The following CIBAR1 variants were observed in gnomAD, a reference collection of about 807,000 sequenced individuals.
CIBAR1 encodes the protein CBY1-interacting BAR domain-containing protein 1.
A neutral mutation model predicts 44.0 loss-of-function variants in CIBAR1; 25 were observed. The observed-to-expected ratio is 0.57, with a 90% CI of 0.41 to 0.79. CIBAR1 has a LOEUF of 0.79. Ranked by LOEUF, CIBAR1 falls within the 30% of genes least tolerant of loss-of-function variation. The probability of loss-of-function intolerance (pLI) is 0.00; values close to 1 mark genes in which losing one functional copy is unlikely to be tolerated. For missense variants in CIBAR1, 278 were observed against 344.8 expected, an observed-to-expected ratio of 0.81 and a Z score of 1.53; for synonymous variants, 115 against 119.0, an observed-to-expected ratio of 0.97 and a Z score of 0.22.
At chr8:93,714,469 C>T (rs1810961351) in intron 6 of CIBAR1, among the ~76,000 whole-genome samples, 1 of 152,142 alleles carries the variant, frequency 6.6e-6, no homozygotes, top group Non-Finnish European at 1.5e-5. Flanking sequence ...CACTAGATAT[C>T]AATACCAGAG....
intron 3 of CIBAR1, among the ~76,000 whole-genome samples, chr8:93,704,649 A>AAC (rs1810506162): frequency 6.6e-6 from 1 of 152,214 alleles, no homozygotes; most frequent in African/African-American, 2.4e-5. Context: ...AATCAAAATT[A>AAC]CACATTTATA....
chr8:93,701,528 A>G, intron 2 of CIBAR1, 70 bp downstream of exon 2: 3 of 1,355,916 alleles, frequency 2.2e-6, no homozygotes, highest in Non-Finnish European at 3.1e-6. Context: ...AACCGTGGAA[A>G]CTTTCACTTG....
At chr8:93,703,869 C>G (rs1810471039) in intron 3 of CIBAR1, among the ~76,000 whole-genome samples, 181 bp downstream of exon 3, 1 of 151,808 alleles carries the variant, frequency 6.6e-6, no homozygotes. Flanking sequence ...TTGAGACCAG[C>G]CTGGCCAACA....
At chr8:93,701,093 A>T (rs1405552432) in intron 1 of CIBAR1, 131 bp from the exon 2 acceptor site, 5 of 1,486,446 alleles carry the variant, frequency 3.4e-6, no homozygotes, top group Non-Finnish European at 4.5e-6. Context: ...GCGCCGGGAG[A>T]CGCTGGGTCG....
Position 93,728,427 on chromosome 8 carries a change from A to G in CIBAR1, c.*130A>G. On this transcript the variant is annotated 3_prime_UTR_variant, in exon 9 of 9. Coordinates refer to ENST00000518322, the MANE Select transcript of CIBAR1 (RefSeq NM_145269.5). ...CTGGAAACAGAAAAATAATTAAAGG[A>G]AACTTATGCTGACCAAAAATGAAGG... 1 of 588,618 alleles carries G rather than the reference A, an allele frequency of 1.7e-6. No individual in the cohort carries two copies. Among genetic ancestry groups the G allele is most frequent in the Non-Finnish European group, 2.9e-6 (1 of 349,886 alleles). The allele number at this position is 588,618 out of a possible 1,614,324, so 36.5% of individuals were successfully genotyped here. A position where few individuals can be genotyped will look rare whatever the true frequency, so the allele number is the denominator to read the frequency against.
At chr8:93,703,940 T>C (rs1056066617) in intron 3 of CIBAR1, among the ~76,000 whole-genome samples, 1 of 151,966 alleles carries the variant, frequency 6.6e-6, no homozygotes, top group Non-Finnish European at 1.5e-5. Context: ...GGCATGCACC[T>C]GTAATCCCAG....
intron 6 of CIBAR1, chr8:93,715,781 CTAGTTCA>C: frequency 6.6e-6 from 1 of 152,122 alleles, no homozygotes; most frequent in South Asian, 2.1e-4. Flanking sequence ...TATGGTTATA[CTAGTTCA>C]TTTAACCAGT....
chr8:93,702,217 T>A, intron 2 of CIBAR1: 1 of 417,048 alleles, frequency 2.4e-6, no homozygotes, highest in Non-Finnish European at 4.8e-6. Context: ...ATAAAAAAAA[T>A]TGAACTCATC....
chr8:93,711,509 T>G (rs1810823096), intron 6 of CIBAR1, among the ~76,000 whole-genome samples: 2 of 152,154 alleles, frequency 1.3e-5, no homozygotes, highest in Admixed American at 6.5e-5. Flanking sequence ...GAAGAACATC[T>G]CAGGAGGCTG....
intron 6 of CIBAR1, among the ~76,000 whole-genome samples, chr8:93,712,791 AC>A (rs1377995926): frequency 1.4e-5 from 2 of 145,534 alleles, no homozygotes; most frequent in Non-Finnish European, 3.0e-5. Context: ...GTTTTGACTT[AC>A]ATTCCATGAT....
intron 7 of CIBAR1, among the ~76,000 whole-genome samples, chr8:93,721,897 G>T (rs1334750096): frequency 6.6e-6 from 1 of 152,122 alleles, no homozygotes; most frequent in Admixed American, 6.6e-5. Flanking sequence ...TTAGAATCTT[G>T]AGGGATGCAT....
rs919595908 is a variant in CIBAR1, at chr8:93,700,901, C to A, written c.26+228C>A. On this transcript the variant is annotated intron_variant, in intron 1 of 8. Coordinates refer to ENST00000518322, the MANE Select transcript of CIBAR1 (RefSeq NM_145269.5). ...GCCACCCACCCACGCCACCGGGTCT[C>A]GGGTCCCCACACTGCCGCGGGCAGT... The A allele has an allele frequency of 1.6e-5, 21 of 1,316,362 alleles. 1 individual carries two copies. Among genetic ancestry groups the A allele is most frequent in the Non-Finnish European group, 1.7e-5 (18 of 1,040,060 alleles). 81.5% of individuals were successfully genotyped at this position (1,316,362 alleles called of 1,614,324 possible). A position where few individuals can be genotyped will look rare whatever the true frequency, so the allele number is the denominator to read the frequency against.
At position 93,701,448 on chromosome 8, in the gene CIBAR1, G is replaced by A; in HGVS notation, c.251G>A (p.Arg84Gln). 1.9e-6 allele frequency: 3 copies of A among 1,612,924 alleles called. No homozygotes were observed. The highest frequency in any genetic ancestry group is 2.5e-6 in the Non-Finnish European group (3 of 1,179,502). ...GAGTTTGCCAAACTTCAGGATTATC[G>A]ACAAGCAGAGGTATGGAGTGAGATC... ...ADEFAKLQDY[R>Q]QAEVERLEAK... The change falls in exon 2 of 9, where the codon CGA (arginine) becomes CAA (glutamine). Residue 84 changes from arginine to glutamine, a missense_variant. Physicochemically the swap from Arg to Gln is conservative, Grantham distance 43 (BLOSUM62 1). This residue lies in a region of CIBAR1 where 183 missense variants were observed against 218.6 expected (regional missense o/e 0.84). Transcript: ENST00000518322.
chr8:93,711,591 C>A (rs1478596147), intron 6 of CIBAR1, among the ~76,000 whole-genome samples: 1 of 152,038 alleles, frequency 6.6e-6, no homozygotes. Flanking sequence ...TGCTGACATT[C>A]CCTCTTAAAC....
At chr8:93,723,958 G>A (rs984466831) in intron 7 of CIBAR1, among the ~76,000 whole-genome samples, 3 of 152,314 alleles carry the variant, frequency 2.0e-5, no homozygotes, top group South Asian at 2.1e-4. Context: ...GAGGCCAAGC[G>A]TGGTGGCTCA....
intron 7 of CIBAR1, chr8:93,720,656 A>AGGT (rs1220652036): frequency 6.6e-6 from 1 of 152,130 alleles, no homozygotes; most frequent in Admixed American, 6.5e-5. Flanking sequence ...GGATCACCTG[A>AGGT]GGTCAGGAGT....
At position 93,717,917 on chromosome 8, in the gene CIBAR1, CTT is replaced by C. The variant is rs1811096025; in HGVS notation, c.544-756_544-755del. Among the ~76,000 whole-genome samples, 8 of 152,316 alleles carry C rather than the reference CTT, an allele frequency of 5.3e-5. No individual in the cohort carries two copies. In the South Asian group the frequency reaches 1.2e-3, roughly 24 times the overall value. Reference sequence around the variant, plus strand: ...CAACATGCACATCTTCACTCATACTCTTTGTTCATGATCTTCCTTGTCATAGG... The same window carrying C: ...CAACATGCACATCTTCACTCATACTCTGTTCATGATCTTCCTTGTCATAGG... On this transcript the variant is annotated intron_variant, in intron 6 of 8. Transcript: ENST00000518322.
At chr8:93,702,527 T>G (rs1354115472) in intron 2 of CIBAR1, 3 of 455,754 alleles carry the variant, frequency 6.6e-6, no homozygotes, top group South Asian at 3.1e-5. Flanking sequence ...GAGGTCCTAA[T>G]GAACAATGAC....
intron 8 of CIBAR1, among the ~76,000 whole-genome samples, chr8:93,727,653 C>A (rs555595154): frequency 6.6e-6 from 1 of 152,180 alleles, no homozygotes; most frequent in Non-Finnish European, 1.5e-5. Flanking sequence ...CCAATACTGA[C>A]AAACAACAGT....
Sources: gnomAD v4.1 joint callset for allele counts (sites outside exome capture counted in the v4.1 genomes callset) on GRCh38, gnomAD v4.1.1 for gene constraint, gnomAD v4.1.1 regional missense constraint, MANE v1.5 for transcripts, NCBI Gene and HGNC (gene_info 2026-07-23, HGNC 2026-07-21) for gene names.